Variants in SMYD3 observed in about 807,000 individuals in gnomAD.
The protein encoded by SMYD3 is SET and MYND domain containing 3, also known as histone-lysine N-methyltransferase SMYD3.
A neutral mutation model predicts 57.7 loss-of-function variants in SMYD3; 36 were observed. The ratio of observed to expected loss-of-function variants is 0.62; its 90% CI spans 0.48 to 0.82. The LOEUF is 0.82. Among genes scored for constraint, SMYD3 ranks in the 40% least tolerant of loss-of-function variants. The pLI, the probability that SMYD3 is intolerant of heterozygous loss-of-function variation, is 0.00. For synonymous variants in SMYD3, 211 were observed against 195.0 expected (o/e 1.08, Z -0.68); for missense variants, 515 against 538.8 (o/e 0.96, Z 0.44).
Position 246,256,916 on chromosome 1 carries a change from G to A in SMYD3, c.531+70285C>T, listed in dbSNP as rs77729608. ...TTTTTATTTCTGCCTTAATTTCATT[G>A]TTTACACAAAAGTCATTCAGGAGCA... On this transcript the variant is annotated intron_variant, in intron 5 of 11. Coordinates refer to ENST00000490107, the MANE Select transcript of SMYD3 (RefSeq NM_001167740.2). 0.022 allele frequency among the ~76,000 whole-genome samples: 3,406 copies of A among 152,040 alleles called. 237 individuals are homozygous for A. The East Asian group carries it at 0.24, about 11-fold the overall frequency.
At chr1:246,240,594 G>A (rs1339482309) in intron 5 of SMYD3, among the ~76,000 whole-genome samples, 3 of 151,960 alleles carry the variant, frequency 2.0e-5, no homozygotes, top group Non-Finnish European at 4.4e-5. Flanking sequence ...GGTTCCATAT[G>A]AACTTTAAAG....
At chr1:246,367,557 TGAGTA>T (rs1244800647) in intron 1 of SMYD3, among the ~76,000 whole-genome samples, 1 of 152,116 alleles carries the variant, frequency 6.6e-6, no homozygotes, top group East Asian at 1.9e-4. Flanking sequence ...CTCAACCTCC[TGAGTA>T]GCTGGGATTA....
At chr1:246,373,512 A>G (rs762508173) in intron 1 of SMYD3, among the ~76,000 whole-genome samples, 7 of 152,204 alleles carry the variant, frequency 4.6e-5, no homozygotes, top group Non-Finnish European at 1.0e-4. Flanking sequence ...TTAGTTTTTG[A>G]TAACATGAGA....
At chr1:246,501,781 C>T (rs186741088) in intron 1 of SMYD3, among the ~76,000 whole-genome samples, 80 of 152,316 alleles carry the variant, frequency 5.3e-4, no homozygotes, top group African/African-American at 1.7e-3. Flanking sequence ...ACTAACTGTT[C>T]CCACTTTAAA....
intron 8 of SMYD3, among the ~76,000 whole-genome samples, chr1:245,891,485 G>T (rs4654164): frequency 0.44 from 67,490 of 152,148 alleles, 18,628 homozygotes; most frequent in East Asian, 0.77. Context: ...CAGGAATCTG[G>T]GGGGAGGGGA....
At chr1:246,200,326 C>A (rs1446010610) in intron 5 of SMYD3, among the ~76,000 whole-genome samples, 1 of 150,406 alleles carries the variant, frequency 6.6e-6, no homozygotes, top group Non-Finnish European at 1.5e-5. Context: ...TAGAGGAGAA[C>A]AGCGTAGACG....
chr1:246,120,359 A>G (rs191965615), intron 5 of SMYD3, among the ~76,000 whole-genome samples: 109 of 152,294 alleles, frequency 7.2e-4, no homozygotes, highest in African/African-American at 2.5e-3. Flanking sequence ...GAGGGGTTTC[A>G]CTGCCTGAAA....
intron 5 of SMYD3, among the ~76,000 whole-genome samples, chr1:246,082,445 G>A (rs112857938): frequency 0.089 from 13,587 of 151,876 alleles, 1,843 homozygotes; most frequent in African/African-American, 0.29. Context: ...CATGGCCCCC[G>A]CCCAGAGGCA....
intron 5 of SMYD3, among the ~76,000 whole-genome samples, chr1:246,076,000 T>C (rs1001235401): frequency 6.9e-6 from 1 of 144,372 alleles, no homozygotes; most frequent in Non-Finnish European, 1.5e-5. Context: ...AAAGATAATA[T>C]ACAATAAAAA....
chr1:246,397,433 G>C (rs2066691598), intron 1 of SMYD3, among the ~76,000 whole-genome samples: 1 of 152,138 alleles, frequency 6.6e-6, no homozygotes, highest in South Asian at 2.1e-4. Flanking sequence ...AACTATTTCA[G>C]ATGATACCTT....
intron 5 of SMYD3, among the ~76,000 whole-genome samples, chr1:246,097,156 T>C (rs1191536786): frequency 6.6e-6 from 1 of 152,222 alleles, no homozygotes; most frequent in Non-Finnish European, 1.5e-5. Flanking sequence ...TCTGATCTCA[T>C]GTTTTCTCCC....
At chr1:245,827,771 T>A (rs879827663) in intron 10 of SMYD3, among the ~76,000 whole-genome samples, 20 of 152,186 alleles carry the variant, frequency 1.3e-4, no homozygotes, top group Non-Finnish European at 2.9e-4. Flanking sequence ...GGCCCTGCCT[T>A]ATCACACTTA....
chr1:246,105,613 G>T (rs2061104656), intron 5 of SMYD3, among the ~76,000 whole-genome samples: 1 of 152,204 alleles, frequency 6.6e-6, no homozygotes, highest in African/African-American at 2.4e-5. Context: ...TTGTATGGCT[G>T]TAGAAAGAAT....
chr1:245,998,110 G>A (rs563084156), intron 5 of SMYD3, among the ~76,000 whole-genome samples: 5 of 152,252 alleles, frequency 3.3e-5, no homozygotes, highest in South Asian at 2.1e-4. Context: ...ATTCCAAAAT[G>A]TACAGTCACA....
intron 10 of SMYD3, among the ~76,000 whole-genome samples, chr1:245,837,191 G>T (rs921057442): frequency 2.0e-5 from 3 of 151,078 alleles, no homozygotes; most frequent in Admixed American, 6.6e-5. Context: ...GCCAGGCATG[G>T]TGGGCACCTG....
intron 8 of SMYD3, among the ~76,000 whole-genome samples, chr1:245,881,625 G>T (rs2148550427): frequency 6.6e-6 from 1 of 152,254 alleles, no homozygotes; most frequent in African/African-American, 2.4e-5. Context: ...TACAGAACAA[G>T]ACTGATAGGG....
chr1:245,817,170 G>C (rs931156686), intron 10 of SMYD3, among the ~76,000 whole-genome samples: 26 of 149,860 alleles, frequency 1.7e-4, no homozygotes, highest in South Asian at 4.3e-4. Flanking sequence ...GAAGAGAGCA[G>C]TGGTTCTCCC....
chr1:246,405,752 CAA>C (rs1470457424), intron 1 of SMYD3, among the ~76,000 whole-genome samples: 2 of 151,018 alleles, frequency 1.3e-5, no homozygotes, highest in Non-Finnish European at 3.0e-5. Flanking sequence ...ACTAAAAATA[CAA>C]AAAAAATTAG....
chr1:245,798,046 C>T (rs1374176656), intron 10 of SMYD3, among the ~76,000 whole-genome samples: 1 of 151,980 alleles, frequency 6.6e-6, no homozygotes, highest in Admixed American at 6.5e-5. Flanking sequence ...TCCAGTGTGT[C>T]CCAATGTAAA....
Sources: gnomAD v4.1 joint callset for allele counts (sites outside exome capture counted in the v4.1 genomes callset) on GRCh38, gnomAD v4.1.1 for gene constraint, MANE v1.5 for transcripts, NCBI Gene and HGNC (gene_info 2026-07-23, HGNC 2026-07-21) for gene names.